TRAFD1: variants seen among roughly 807,000 people sequenced by gnomAD.
TRAFD1 encodes the protein TRAF-type zinc finger domain containing 1, also known as TRAF-type zinc finger domain-containing protein 1.
TRAFD1 carries 38 observed loss-of-function variants against 65.3 expected under a neutral mutation model. The observed-to-expected ratio is 0.58, with a 90% CI of 0.45 to 0.76. The LOEUF is 0.76. Ranked by LOEUF, TRAFD1 falls within the 30% of genes least tolerant of loss-of-function variation. The pLI is 0.00. For missense variants in TRAFD1, 631 were observed against 712.6 expected, an observed-to-expected ratio of 0.89 and a Z score of 1.30; for synonymous variants, 223 against 257.2, an observed-to-expected ratio of 0.87 and a Z score of 1.27.
At chr12:112,146,012 A>G in intron 7 of TRAFD1, among the ~76,000 whole-genome samples, 1 of 101,392 alleles carries the variant, frequency 9.9e-6, no homozygotes, top group Non-Finnish European at 1.9e-5. Flanking sequence ...CACTCTGGGG[A>G]CTGTTGTGGG....
chr12:112,152,003 C>G lies in TRAFD1; in HGVS notation c.1482C>G (p.Ile494Met). The G allele has an allele frequency of 6.2e-7, 1 of 1,614,234 alleles. No individual in the cohort carries two copies. The highest frequency in any genetic ancestry group is 8.5e-7 in the Non-Finnish European group (1 of 1,180,050). The change falls in exon 10 of 12, where the codon ATC becomes ATG. Residue 494 changes from isoleucine to methionine, a missense_variant. By Grantham distance (10) the Ile-to-Met change is conservative (BLOSUM62 1). Transcript: ENST00000412615. The surrounding 1 kb of genome is among the most constrained non-coding windows in gnomAD (Gnocchi z 5.0). ...PKLSNSDSQD[I>M]QGRNRDSQNG... ...TCAGCAACTCAGACAGCCAGGACAT[C>G]CAGGGGCGGAATCGAGACAGCCAGA...
chr12:112,151,734 G>A, intron 9 of TRAFD1, 67 bp from the exon 10 acceptor site: 3 of 1,467,484 alleles, frequency 2.0e-6, no homozygotes, highest in Admixed American at 2.0e-5. Flanking sequence ...TTTTGTTCCT[G>A]CCCTAAACCT....
In TRAFD1 at chr12:112,153,409, A is replaced by C. The variant is rs1593875859; in HGVS notation, c.*618A>C. Reference sequence around the variant, plus strand: ...GCCTTCTGTTCCCGGGGGAGCATGGATCTTTTGTCCTCACTGCTTTCTAAT... The same window carrying C: ...GCCTTCTGTTCCCGGGGGAGCATGGCTCTTTTGTCCTCACTGCTTTCTAAT... On this transcript the variant is annotated 3_prime_UTR_variant, in exon 12 of 12. Coordinates refer to ENST00000412615, the MANE Select transcript of TRAFD1 (RefSeq NM_006700.3). The C allele has an allele frequency of 6.6e-6, 1 of 152,122 alleles. No homozygotes were observed. Among genetic ancestry groups the C allele is most frequent in the African/African-American group, 2.4e-5 (1 of 41,336 alleles). 9.4% of individuals were successfully genotyped at this position (152,122 alleles called of 1,614,324 possible).
chr12:112,149,190 C>T (rs1812942920), intron 8 of TRAFD1, among the ~76,000 whole-genome samples: 1 of 151,864 alleles, frequency 6.6e-6, no homozygotes, highest in African/African-American at 2.4e-5. Flanking sequence ...TGCACTCCAG[C>T]CTGGGTGACA....
At chr12:112,148,818 A>T (rs1005810330) in intron 8 of TRAFD1, among the ~76,000 whole-genome samples, 1 of 152,176 alleles carries the variant, frequency 6.6e-6, no homozygotes, top group Non-Finnish European at 1.5e-5. Context: ...GCCCAATCGT[A>T]TATGTTACAG....
chr12:112,147,107 C>T (rs571010851), intron 7 of TRAFD1, among the ~76,000 whole-genome samples: 82 of 141,896 alleles, frequency 5.8e-4, no homozygotes, highest in Non-Finnish European at 1.0e-3. Context: ...TCCGGCTGTT[C>T]TCCTGCCTTA....
Position 112,145,588 on chromosome 12 carries a change from G to A in TRAFD1, c.853G>A (p.Ala285Thr). The A allele has an allele frequency of 6.2e-7, 1 of 1,614,126 alleles. No homozygotes were observed. Reference protein sequence around the residue: ...GPRSLSDIKGAADEIMLPCEF... With the variant: ...GPRSLSDIKGTADEIMLPCEF... ...TCATTGTGTGGCCTAATACCTAGGT[G>A]CAGCTGACGAGATCATGTTGCCTTG... The change falls in exon 7 of 12, where the codon GCA becomes ACA. Residue 285 changes from alanine to threonine, a missense_variant and splice_region_variant. Coordinates refer to ENST00000412615, the MANE Select transcript of TRAFD1 (RefSeq NM_006700.3).
chr12:112,140,206 G>C, intron 4 of TRAFD1: 1 of 248,932 alleles, frequency 4.0e-6, no homozygotes, highest in Non-Finnish European at 8.2e-6. Context: ...GGATCACAAG[G>C]TCAGAAGTTC....
intron 8 of TRAFD1, 127 bp from the exon 9 acceptor site, chr12:112,149,624 C>T: frequency 7.6e-7 from 1 of 1,321,636 alleles, no homozygotes; most frequent in Non-Finnish European, 1.0e-6. Context: ...TCTGAAAGTT[C>T]CCAGAACTTT....
At chr12:112,133,752 T>C in intron 2 of TRAFD1, among the ~76,000 whole-genome samples, 1 of 151,420 alleles carries the variant, frequency 6.6e-6, no homozygotes, top group Admixed American at 6.6e-5. Context: ...TCCCCGAGGC[T>C]GGAGTGCAGT....
At chr12:112,134,169 CCT>C (rs2079581944) in intron 2 of TRAFD1, among the ~76,000 whole-genome samples, 1 of 151,200 alleles carries the variant, frequency 6.6e-6, no homozygotes, top group African/African-American at 2.4e-5. Context: ...TGCCGCCACA[CCT>C]GGCTAATTTT....
At chr12:112,139,150 G>A (rs2030011506) in intron 4 of TRAFD1, among the ~76,000 whole-genome samples, 1 of 151,950 alleles carries the variant, frequency 6.6e-6, no homozygotes, top group South Asian at 2.1e-4. Flanking sequence ...ATCAACCTGG[G>A]CAACATAAGG....
chr12:112,152,237 G>A lies in TRAFD1; in HGVS notation c.1619+97G>A. The A allele has an allele frequency of 6.9e-7, 1 of 1,440,674 alleles. No homozygotes were observed. Among genetic ancestry groups the A allele is most frequent in the Non-Finnish European group, 9.4e-7 (1 of 1,062,784 alleles). 89.2% of individuals were successfully genotyped at this position (1,440,674 alleles called of 1,614,324 possible). ...TTGCCAGGCCTGGGGTAAGACTGAG[G>A]TACTTGCATGGTAAGGGGAGGAGTA... On this transcript the variant is annotated intron_variant, in intron 10 of 11. Transcript: ENST00000412615. The surrounding 1 kb of genome is among the most constrained non-coding windows in gnomAD (Gnocchi z 5.0).
chr12:112,126,212 C>T (rs2079536435), intron 1 of TRAFD1: 1 of 152,218 alleles, frequency 6.6e-6, no homozygotes, highest in Non-Finnish European at 1.5e-5. Context: ...CCATCACCGA[C>T]CTTCCTGGGG....
Position 112,151,988 on chromosome 12 carries a change from A to AGACAGCCAG in TRAFD1, c.1472_1480dup (p.Ser491_Asp493dup). 3 of 1,614,238 alleles carry AGACAGCCAG rather than the reference A, an allele frequency of 1.9e-6. No homozygotes were observed. The highest frequency in any genetic ancestry group is 2.5e-6 in the Non-Finnish European group (3 of 1,180,036). ...CTTGTGTGCCGAAGCTCAGCAACTC[A>AGACAGCCAG]GACAGCCAGGACATCCAGGGGCGGA... On this transcript the variant is annotated inframe_insertion, in exon 10 of 12. Coordinates refer to ENST00000412615, the MANE Select transcript of TRAFD1 (RefSeq NM_006700.3).
chr12:112,139,765 T>C (rs1422527723), intron 4 of TRAFD1, among the ~76,000 whole-genome samples: 4 of 152,088 alleles, frequency 2.6e-5, no homozygotes, highest in Non-Finnish European at 5.9e-5. Context: ...TTGCTAGGAG[T>C]AGTGGCTCAT....
Position 112,152,180 on chromosome 12 carries a change from T to C in TRAFD1, c.1619+40T>C, listed in dbSNP as rs142334371. 5 of 1,578,004 alleles carry C rather than the reference T, an allele frequency of 3.2e-6. No homozygotes were observed. The highest frequency in any genetic ancestry group is 4.3e-6 in the Non-Finnish European group (5 of 1,162,418). ...CCCAGGAATGGGGCTTGGGAGTAGC[T>C]GAAGCGAACATGGGCAAAGGCCTGG... On this transcript the variant is annotated intron_variant, in intron 10 of 11. Transcript: ENST00000412615. This position sits in a 1 kb window ranked among gnomAD's most constrained non-coding sequence, Gnocchi z 5.0.
intron 1 of TRAFD1, among the ~76,000 whole-genome samples, chr12:112,127,158 G>A (rs1364410801): frequency 6.6e-6 from 1 of 151,974 alleles, no homozygotes; most frequent in East Asian, 1.9e-4. Context: ...CCACTGCCTG[G>A]ATGGATTTCC....
intron 5 of TRAFD1, 103 bp downstream of exon 5, chr12:112,141,327 CTG>C (rs542809523): frequency 7.1e-5 from 96 of 1,353,192 alleles, no homozygotes; most frequent in Non-Finnish European, 9.5e-5. Context: ...AGAAACCCGA[CTG>C]TAGCTGAGTA....
Sources: allele counts gnomAD v4.1 joint callset (sites outside exome capture counted in the v4.1 genomes callset), GRCh38; gene constraint gnomAD v4.1.1; non-coding constraint Gnocchi (gnomAD v3.1); transcripts MANE v1.5; gene names NCBI Gene and HGNC (gene_info 2026-07-23, HGNC 2026-07-21).